Variants in UBE3D observed in about 807,000 individuals in gnomAD.
UBE3D encodes the protein E3 ubiquitin-protein ligase E3D.
Under a neutral mutation model 49.6 loss-of-function variants are expected in UBE3D, and 48 were observed. The ratio of observed to expected loss-of-function variants is 0.97; its 90% CI spans 0.77 to 1.23. The LOEUF is 1.23. UBE3D is among the 50% of genes most tolerant of loss of function. The pLI is 0.00. For missense variants in UBE3D, 452 were observed against 468.4 expected, an observed-to-expected ratio of 0.96 and a Z score of 0.32; for synonymous variants, 189 against 174.2, an observed-to-expected ratio of 1.08 and a Z score of -0.67.
intron 1 of UBE3D, among the ~76,000 whole-genome samples, chr6:83,059,212 G>A (rs959296926): frequency 3.3e-5 from 5 of 151,838 alleles, no homozygotes; most frequent in African/African-American, 7.3e-5. Flanking sequence ...CAAGGCTCTG[G>A]CTCTACAAAA....
At chr6:82,983,237 A>G (rs900641319) in intron 8 of UBE3D, among the ~76,000 whole-genome samples, 2 of 147,692 alleles carry the variant, frequency 1.4e-5, no homozygotes, top group South Asian at 4.3e-4. Flanking sequence ...CCTTATTGTT[A>G]TCCTTATTGA....
chr6:82,967,020 T>C (rs1435706631), intron 8 of UBE3D, among the ~76,000 whole-genome samples: 2 of 152,206 alleles, frequency 1.3e-5, no homozygotes, highest in Non-Finnish European at 2.9e-5. Flanking sequence ...TTTCATTTTA[T>C]TAATCTTTTA....
At chr6:82,962,503 C>T (rs1174214253) in intron 8 of UBE3D, among the ~76,000 whole-genome samples, 1 of 152,096 alleles carries the variant, frequency 6.6e-6, no homozygotes, top group Non-Finnish European at 1.5e-5. Context: ...GACATTGTTA[C>T]AGTAATGATA....
At chr6:82,953,874 C>G (rs1407831486) in intron 9 of UBE3D, among the ~76,000 whole-genome samples, 1 of 152,178 alleles carries the variant, frequency 6.6e-6, no homozygotes, top group Non-Finnish European at 1.5e-5. Context: ...CAGGTTGGGC[C>G]TCTCCTCAGA....
Position 83,022,471 on chromosome 6 carries a change from A to G in UBE3D, c.828T>C (p.Asp276=). ...TTCTTACCAAGATATACACTTTGTCATCCTGACCTTGAATCGTGAATCTAA... is the reference window on the plus strand; with the variant it reads ...TTCTTACCAAGATATACACTTTGTCGTCCTGACCTTGAATCGTGAATCTAA... ...STFRFTIQGQ[D]DKVYILLWLL... is the part of the protein sequence containing the mutation. The change falls in exon 7 of 10, where the codon GAT becomes GAC. Residue 276 remains aspartate, a synonymous_variant. Coordinates refer to ENST00000369747, the MANE Select transcript of UBE3D (RefSeq NM_198920.3). 6.2e-7 allele frequency: 1 copy of G among 1,602,250 alleles called. No individual in the cohort carries two copies. The highest frequency in any genetic ancestry group is 1.1e-5 in the South Asian group (1 of 88,822).
intron 9 of UBE3D, among the ~76,000 whole-genome samples, chr6:82,927,702 T>C (rs897367277): frequency 2.6e-5 from 4 of 151,930 alleles, no homozygotes; most frequent in Non-Finnish European, 5.9e-5. Flanking sequence ...GGCTTTTGTA[T>C]ATTAACTTTG....
intron 1 of UBE3D, chr6:83,063,176 T>C (rs1226966555): frequency 1.1e-5 from 3 of 281,180 alleles, no homozygotes; most frequent in African/African-American, 2.3e-5. Context: ...ACTTTGGGAG[T>C]CCAAAGTGGG....
At chr6:82,924,124 TG>T (rs1197261184) in intron 9 of UBE3D, among the ~76,000 whole-genome samples, 1 of 151,868 alleles carries the variant, frequency 6.6e-6, no homozygotes, top group Non-Finnish European at 1.5e-5. Context: ...GAAAAGTACT[TG>T]GAAGTCCACA....
chr6:83,063,267 A>G (rs1784283316), intron 1 of UBE3D: 1 of 223,288 alleles, frequency 4.5e-6, no homozygotes, highest in South Asian at 4.4e-5. Context: ...TACAAAAATT[A>G]GCTGGGCATG....
chr6:82,970,829 A>G (rs1248969509), intron 8 of UBE3D, among the ~76,000 whole-genome samples: 2 of 152,150 alleles, frequency 1.3e-5, no homozygotes, highest in Non-Finnish European at 1.5e-5. Context: ...ACAGAGCAAG[A>G]CTCTGTCTCA....
At chr6:83,008,319 A>C (rs1780117870) in intron 8 of UBE3D, among the ~76,000 whole-genome samples, 1 of 152,234 alleles carries the variant, frequency 6.6e-6, no homozygotes, top group Non-Finnish European at 1.5e-5. Flanking sequence ...TGGCAGACTT[A>C]AACTACAGAA....
At chr6:83,021,258 T>C (rs186675570) in intron 7 of UBE3D, among the ~76,000 whole-genome samples, 36 of 152,114 alleles carry the variant, frequency 2.4e-4, no homozygotes, top group Admixed American at 1.8e-3. Context: ...CTGGGCAACA[T>C]AGCAAGACCT....
chr6:82,970,861 A>C (rs1777303022), intron 8 of UBE3D, among the ~76,000 whole-genome samples: 1 of 151,818 alleles, frequency 6.6e-6, no homozygotes, highest in Non-Finnish European at 1.5e-5. Context: ...AAAAACAAAA[A>C]CAAAAAACAA....
At chr6:82,930,325 G>A (rs1470708505) in intron 9 of UBE3D, among the ~76,000 whole-genome samples, 1 of 152,144 alleles carries the variant, frequency 6.6e-6, no homozygotes, top group Non-Finnish European at 1.5e-5. Flanking sequence ...TTAGCAGCGT[G>A]AGAATGAATT....
intron 8 of UBE3D, among the ~76,000 whole-genome samples, chr6:83,010,881 C>G (rs1780287804): frequency 6.6e-6 from 1 of 151,558 alleles, no homozygotes; most frequent in Non-Finnish European, 1.5e-5. Context: ...CCCACTGACT[C>G]AAATGTTAAT....
chr6:83,051,819 G>T (rs1248698192), intron 3 of UBE3D, among the ~76,000 whole-genome samples: 5 of 152,208 alleles, frequency 3.3e-5, no homozygotes, highest in Non-Finnish European at 7.3e-5. Context: ...GTCACTCTGA[G>T]GATCCTCCAT....
chr6:82,905,890 C>T (rs879601615), intron 9 of UBE3D, among the ~76,000 whole-genome samples: 2 of 152,138 alleles, frequency 1.3e-5, no homozygotes, highest in African/African-American at 2.4e-5. Context: ...AATCTACATA[C>T]ATTTATTACC....
At chr6:83,043,731 T>C (rs1043895516) in intron 4 of UBE3D, among the ~76,000 whole-genome samples, 2 of 152,260 alleles carry the variant, frequency 1.3e-5, no homozygotes, top group Non-Finnish European at 2.9e-5. Context: ...ATGATTTTAC[T>C]TTTTAAATAA....
chr6:82,905,012 T>A (rs937270014), intron 9 of UBE3D, among the ~76,000 whole-genome samples: 2 of 152,146 alleles, frequency 1.3e-5, no homozygotes, highest in Non-Finnish European at 2.9e-5. Flanking sequence ...TCCTAGGGAT[T>A]CAAACCAGCA....
Sources: allele counts gnomAD v4.1 joint callset (sites outside exome capture counted in the v4.1 genomes callset), GRCh38; gene constraint gnomAD v4.1.1; transcripts MANE v1.5; gene names NCBI Gene and HGNC (gene_info 2026-07-23, HGNC 2026-07-21).